CSMD1: variants seen among roughly 807,000 people sequenced by gnomAD.
CSMD1 encodes the protein CUB and sushi domain-containing protein 1.
In CSMD1, 213 loss-of-function variants were observed where a neutral mutation model predicts 417.5. The observed-to-expected ratio is 0.51, with a 90% CI of 0.46 to 0.57. The LOEUF is 0.57. Ranked by LOEUF, CSMD1 falls within the 20% of genes least tolerant of loss-of-function variation. The pLI is 0.00. For synonymous variants in CSMD1, 2,862 were observed against 1,736.8 expected (o/e 1.65, Z -16.11); for missense variants, 6,923 against 4,529.7 (o/e 1.53, Z -15.17).
At chr8:4,862,847 C>T (rs1309190954) in intron 1 of CSMD1, among the ~76,000 whole-genome samples, 1 of 151,942 alleles carries the variant, frequency 6.6e-6, no homozygotes, top group Non-Finnish European at 1.5e-5. Context: ...AAGTGTGACT[C>T]CAAGTCTTAA....
At position 3,129,966 on chromosome 8, in the gene CSMD1, GTGAGACTCTGTCCC is replaced by G. The variant is rs1304330300; in HGVS notation, c.6242-11393_6242-11380del. 2.0e-5 allele frequency among the ~76,000 whole-genome samples: 3 copies of G among 152,058 alleles called. No homozygotes were observed. In the East Asian group the frequency reaches 5.8e-4, roughly 30 times the overall value. ...ACTGCACTCCAGCCTAAATAACAGA[GTGAGACTCTGTCCC>G]AAAAAAAAAAGAAAAGAAAAGTTAA... On this transcript the variant is annotated intron_variant, in intron 41 of 69. Coordinates refer to ENST00000635120, the MANE Select transcript of CSMD1 (RefSeq NM_033225.6).
chr8:3,188,843 C>A, intron 35 of CSMD1, 44 bp downstream of exon 35: 1 of 1,443,924 alleles, frequency 6.9e-7, no homozygotes, highest in Non-Finnish European at 9.2e-7. Flanking sequence ...AGCCCATGGA[C>A]CCCAGCTGAG....
At chr8:4,980,640 C>T (rs912216497) in intron 1 of CSMD1, among the ~76,000 whole-genome samples, 11 of 152,286 alleles carry the variant, frequency 7.2e-5, no homozygotes, top group East Asian at 5.8e-4. Context: ...TGGTGGCTCA[C>T]GCCTGTAATC....
At chr8:3,197,497 G>A (rs1334823236) in intron 33 of CSMD1, among the ~76,000 whole-genome samples, 9 of 132,010 alleles carry the variant, frequency 6.8e-5, no homozygotes, top group African/African-American at 1.2e-4. Context: ...ACGGAGTCTC[G>A]CTCTGTCACC....
chr8:4,855,141 C>G (rs1475144008), intron 1 of CSMD1, among the ~76,000 whole-genome samples: 4 of 151,352 alleles, frequency 2.6e-5, no homozygotes, highest in Non-Finnish European at 5.9e-5. Flanking sequence ...GAGGCACCCC[C>G]CAGCAGGGGC....
At chr8:3,100,083 G>A (rs947324295) in intron 46 of CSMD1, among the ~76,000 whole-genome samples, 2 of 151,954 alleles carry the variant, frequency 1.3e-5, no homozygotes, top group South Asian at 2.1e-4. Flanking sequence ...GTCTCACTCT[G>A]TCACCCAAGC....
intron 25 of CSMD1, among the ~76,000 whole-genome samples, chr8:3,304,585 T>G (rs1432190546): frequency 1.3e-5 from 2 of 152,108 alleles, no homozygotes; most frequent in East Asian, 3.8e-4. Context: ...TGGGAAGAAG[T>G]TTATGCTTTA....
intron 10 of CSMD1, among the ~76,000 whole-genome samples, chr8:3,557,191 T>G (rs1029211828): frequency 1.3e-5 from 2 of 152,202 alleles, no homozygotes; most frequent in African/African-American, 4.8e-5. Context: ...AAATAATGTT[T>G]TGTTTCTCTG....
chr8:4,397,159 C>A (rs1026438593), intron 3 of CSMD1, among the ~76,000 whole-genome samples: 1 of 152,088 alleles, frequency 6.6e-6, no homozygotes, highest in Admixed American at 6.5e-5. Context: ...CTCATTTCTA[C>A]GTCCATGCAT....
intron 10 of CSMD1, among the ~76,000 whole-genome samples, chr8:3,556,515 C>T (rs796066143): frequency 3.8e-5 from 3 of 79,698 alleles, no homozygotes; most frequent in African/African-American, 1.6e-4. Context: ...CTTTTTCACA[C>T]GCACACACAC....
intron 1 of CSMD1, chr8:4,787,588 A>T: frequency 6.5e-7 from 1 of 1,535,064 alleles, no homozygotes; most frequent in Non-Finnish European, 9.0e-7. Flanking sequence ...CCCAGTGCGA[A>T]ATGATTCCAA....
chr8:4,750,031 G>C (rs1811199827), intron 1 of CSMD1, among the ~76,000 whole-genome samples: 2 of 151,752 alleles, frequency 1.3e-5, no homozygotes, highest in Admixed American at 6.6e-5. Flanking sequence ...TTTTGAGATG[G>C]AGTCTCGCTC....
chr8:3,292,400 T>C (rs1227712793), intron 25 of CSMD1, among the ~76,000 whole-genome samples: 2 of 152,138 alleles, frequency 1.3e-5, no homozygotes, highest in Admixed American at 1.3e-4. Flanking sequence ...TTCTGTCTCG[T>C]TGATCTGTCT....
At chr8:3,560,998 T>A (rs1799445552) in intron 10 of CSMD1, among the ~76,000 whole-genome samples, 2 of 152,134 alleles carry the variant, frequency 1.3e-5, no homozygotes, top group Non-Finnish European at 2.9e-5. Flanking sequence ...CACTCATTAT[T>A]TAACAGCAAT....
intron 3 of CSMD1, among the ~76,000 whole-genome samples, chr8:4,277,343 C>T (rs369311514): frequency 6.6e-6 from 1 of 152,032 alleles, no homozygotes; most frequent in Non-Finnish European, 1.5e-5. Flanking sequence ...GATTTCTGAC[C>T]TTTCACTCCT....
chr8:4,827,378 G>A (rs770349415), intron 1 of CSMD1, among the ~76,000 whole-genome samples: 1 of 152,106 alleles, frequency 6.6e-6, no homozygotes, highest in Non-Finnish European at 1.5e-5. Context: ...GCGGCTGCTC[G>A]AGTTACCTTC....
chr8:4,599,440 G>T (rs1052214964), intron 2 of CSMD1, among the ~76,000 whole-genome samples: 1 of 150,936 alleles, frequency 6.6e-6, no homozygotes, highest in African/African-American at 2.4e-5. Context: ...GGAGTAAATT[G>T]TACCTAATTA....
At chr8:4,404,510 G>T (rs1386806003) in intron 3 of CSMD1, among the ~76,000 whole-genome samples, 4 of 151,876 alleles carry the variant, frequency 2.6e-5, no homozygotes, top group Non-Finnish European at 5.9e-5. Context: ...TGAGCAGTGG[G>T]GGGCAAAAAA....
At chr8:3,685,883 C>G (rs1387261055) in intron 7 of CSMD1, among the ~76,000 whole-genome samples, 1 of 152,140 alleles carries the variant, frequency 6.6e-6, no homozygotes, top group Non-Finnish European at 1.5e-5. Context: ...TCCCATCAAA[C>G]ATTTATTGTT....
Sources: gnomAD v4.1 joint callset for allele counts (sites outside exome capture counted in the v4.1 genomes callset) on GRCh38, gnomAD v4.1.1 for gene constraint, MANE v1.5 for transcripts, NCBI Gene and HGNC (gene_info 2026-07-23, HGNC 2026-07-21) for gene names.